Variants in SMC6 observed in about 807,000 individuals in gnomAD.
The protein encoded by SMC6 is structural maintenance of chromosomes 6, also known as structural maintenance of chromosomes protein 6.
In SMC6, 79 loss-of-function variants were observed where a neutral mutation model predicts 142.2. The ratio of observed to expected loss-of-function variants is 0.56; its 90% CI spans 0.46 to 0.67. The LOEUF is 0.67. Ranked by LOEUF, SMC6 falls within the 30% of genes least tolerant of loss-of-function variation. SMC6 has a pLI of 0.00. For synonymous variants in SMC6, 411 were observed against 412.4 expected, an observed-to-expected ratio of 1.00 and a Z score of 0.04; for missense variants, 1,072 against 1,284.0, an observed-to-expected ratio of 0.83 and a Z score of 2.52.
chr2:17,672,821 G>A (rs914160174), intron 25 of SMC6, among the ~76,000 whole-genome samples: 1 of 152,120 alleles, frequency 6.6e-6, no homozygotes, highest in African/African-American at 2.4e-5. Flanking sequence ...GAATATACCC[G>A]AATTTATCCA....
In SMC6 at chr2:17,716,914, A is replaced by G; in HGVS notation, c.1182-9T>C. The G allele has an allele frequency of 6.3e-7, 1 of 1,589,242 alleles. No homozygotes were observed. The highest frequency in any genetic ancestry group is 8.5e-7 in the Non-Finnish European group (1 of 1,171,884). On this transcript the variant is annotated splice_polypyrimidine_tract_variant and intron_variant, in intron 13 of 27. Transcript: ENST00000448223. ...CCAAAGATTGGTCAGTACTAACAGT[A>G]AATAACCCAAAGTGAAAAATGTTAG...
intron 17 of SMC6, among the ~76,000 whole-genome samples, chr2:17,707,641 C>T (rs1668615530): frequency 6.6e-6 from 1 of 152,030 alleles, no homozygotes; most frequent in Admixed American, 6.6e-5. Context: ...TTTAAATTCA[C>T]ATATTGCTAT....
At position 17,708,740 on chromosome 2, in the gene SMC6, G is replaced by A; in HGVS notation, c.1744C>T (p.Pro582Ser). ...YDVRHRAAYH[P>S]DFPTVLTALE... ...GCTGTCAGAACTGTTGGAAAGTCTG[G>A]ATGATAAGCAGCTCTAGGAGACAAA... is the stretch of plus-strand genomic sequence containing the variant. The change falls in exon 17 of 28, where the codon CCA becomes TCA. Residue 582 changes from proline to serine, a missense_variant. Transcript: ENST00000448223. 2 of 1,530,944 alleles carry A rather than the reference G, an allele frequency of 1.3e-6. No homozygotes were observed. 94.8% of individuals were successfully genotyped at this position (1,530,944 alleles called of 1,614,324 possible).
intron 7 of SMC6, among the ~76,000 whole-genome samples, chr2:17,729,541 C>T (rs1191512478): frequency 1.3e-5 from 2 of 151,896 alleles, no homozygotes; most frequent in African/African-American, 4.8e-5. Flanking sequence ...CTTTCAAGCA[C>T]TTGCACAAGA....
chr2:17,739,227 G>A (rs1670305504), intron 4 of SMC6, among the ~76,000 whole-genome samples: 1 of 152,096 alleles, frequency 6.6e-6, no homozygotes, highest in South Asian at 2.1e-4. Context: ...ACAAGCTGAG[G>A]GCTAGGTATG....
intron 3 of SMC6, 46 bp from the exon 4 acceptor site, chr2:17,741,775 C>T: frequency 8.0e-7 from 1 of 1,242,346 alleles, no homozygotes. Flanking sequence ...CTAATTCACT[C>T]ATTATAACCA....
chr2:17,671,432 C>CACAA (rs1286589095), intron 25 of SMC6, among the ~76,000 whole-genome samples: 3 of 77,848 alleles, frequency 3.9e-5, no homozygotes, highest in African/African-American at 8.3e-5. Flanking sequence ...ACCTCATCTC[C>CACAA]ACACACACAC....
chr2:17,718,680 A>G (rs1278266697), intron 11 of SMC6, among the ~76,000 whole-genome samples: 1 of 152,242 alleles, frequency 6.6e-6, no homozygotes, highest in Non-Finnish European at 1.5e-5. Flanking sequence ...GTGTACCAGG[A>G]AATAAGTTGA....
rs534340520 is a variant in SMC6 at position 17,674,695 on chromosome 2, T to C, written c.2911-4120A>G. ...TGCCTTTTAGTTCTCCCAATTTTTA[T>C]GTATTTTGAAGCTATGTTATTAGGT... On this transcript the variant is annotated intron_variant, in intron 25 of 27. Transcript: ENST00000448223. Among the ~76,000 whole-genome samples the C allele has an allele frequency of 3.5e-3, 526 of 152,282 alleles. 3 individuals carry two copies. The highest frequency in any genetic ancestry group is 0.012 in the African/African-American group (501 of 41,588).
At chr2:17,749,844 T>A (rs960258996) in intron 2 of SMC6, among the ~76,000 whole-genome samples, 2 of 152,220 alleles carry the variant, frequency 1.3e-5, no homozygotes, top group Non-Finnish European at 2.9e-5. Context: ...CTAAGAGTAG[T>A]GACACACATA....
intron 3 of SMC6, among the ~76,000 whole-genome samples, chr2:17,743,862 G>A (rs1233134687): frequency 6.6e-6 from 1 of 152,040 alleles, no homozygotes; most frequent in Non-Finnish European, 1.5e-5. Flanking sequence ...TTTCTGACTG[G>A]CTTCTGTCAC....
intron 5 of SMC6, among the ~76,000 whole-genome samples, chr2:17,732,912 TA>T (rs199999918): frequency 3.3e-4 from 48 of 146,694 alleles, no homozygotes; most frequent in East Asian, 2.2e-3. Context: ...TCTATAGGAG[TA>T]AAAAAAAAAA....
At chr2:17,735,789 T>C (rs984760416) in intron 5 of SMC6, among the ~76,000 whole-genome samples, 1 of 152,212 alleles carries the variant, frequency 6.6e-6, no homozygotes, top group Admixed American at 6.5e-5. Context: ...AGGCAATGTC[T>C]CAAGGTTCAG....
intron 2 of SMC6, among the ~76,000 whole-genome samples, chr2:17,749,516 C>T (rs1221543674): frequency 6.6e-6 from 1 of 152,024 alleles, no homozygotes; most frequent in African/African-American, 2.4e-5. Context: ...GGTGAAACCC[C>T]GTCTCTACTA....
chr2:17,713,395 G>A, intron 16 of SMC6: 1 of 454,034 alleles, frequency 2.2e-6, no homozygotes, highest in East Asian at 7.1e-5. Context: ...CTACTTCCAA[G>A]AAAACTGGCA....
intron 4 of SMC6, among the ~76,000 whole-genome samples, chr2:17,739,812 T>G (rs1670334940): frequency 7.8e-6 from 1 of 127,508 alleles, no homozygotes; most frequent in Admixed American, 8.2e-5. Context: ...GAGAGATCCT[T>G]TCTCTTTAAA....
At chr2:17,685,471 C>G (rs1250793091) in intron 23 of SMC6, among the ~76,000 whole-genome samples, 1 of 152,030 alleles carries the variant, frequency 6.6e-6, no homozygotes, top group East Asian at 1.9e-4. Context: ...AAATTCTTAT[C>G]AACTTGTAAA....
At chr2:17,723,896 G>A (rs894342577) in intron 9 of SMC6, among the ~76,000 whole-genome samples, 1 of 152,084 alleles carries the variant, frequency 6.6e-6, no homozygotes, top group Non-Finnish European at 1.5e-5. Context: ...AGTTTATTTT[G>A]AGAATACAGG....
chr2:17,696,171 A>G, intron 22 of SMC6, 118 bp downstream of exon 22: 1 of 1,309,460 alleles, frequency 7.6e-7, no homozygotes, highest in Non-Finnish European at 1.0e-6. Flanking sequence ...ATTACTCTAT[A>G]TGAAACAGAA....
Sources: gnomAD v4.1 joint callset for allele counts (sites outside exome capture counted in the v4.1 genomes callset) on GRCh38, gnomAD v4.1.1 for gene constraint, MANE v1.5 for transcripts, NCBI Gene and HGNC (gene_info 2026-07-23, HGNC 2026-07-21) for gene names.